VWA3B: variants seen among roughly 807,000 people sequenced by gnomAD.
VWA3B encodes von Willebrand factor A domain-containing protein 3B.
Under a neutral mutation model 158.3 loss-of-function variants are expected in VWA3B, and 138 were observed. The observed-to-expected ratio is 0.87, with a 90% confidence interval of 0.76 to 1.00. The LOEUF (loss-of-function observed/expected upper bound fraction) is 1.00, where lower values mean the gene tolerates loss of function less well. Among genes scored for constraint, VWA3B ranks in the 50% least tolerant of loss-of-function variants. The pLI, the probability that VWA3B is intolerant of heterozygous loss-of-function variation, is 0.00. For synonymous variants in VWA3B, 596 were observed against 587.3 expected, an observed-to-expected ratio of 1.01 and a Z score of -0.21; for missense variants, 1,555 against 1,565.1, an observed-to-expected ratio of 0.99 and a Z score of 0.11.
At chr2:98,216,895 A>G (rs1684051500) in intron 13 of VWA3B, 1 of 1,287,720 alleles carries the variant, frequency 7.8e-7, no homozygotes, top group Non-Finnish European at 1.0e-6. Context: ...TTCAAGCCCA[A>G]GTCTCTCGCT....
chr2:98,181,903 C>T (rs1429672380), intron 9 of VWA3B, among the ~76,000 whole-genome samples: 4 of 152,166 alleles, frequency 2.6e-5, no homozygotes, highest in Non-Finnish European at 5.9e-5. Context: ...GGTCCAGGGG[C>T]CACACCTTGA....
chr2:98,139,031 C>T (rs943385853), intron 7 of VWA3B, among the ~76,000 whole-genome samples: 9 of 152,196 alleles, frequency 5.9e-5, no homozygotes, highest in East Asian at 3.9e-4. Flanking sequence ...GCCGGGGCTG[C>T]GCGTGGAGCT....
At chr2:98,171,526 G>T (rs1310969219) in intron 8 of VWA3B, among the ~76,000 whole-genome samples, 1 of 152,172 alleles carries the variant, frequency 6.6e-6, no homozygotes, top group Non-Finnish European at 1.5e-5. Context: ...TGTGGCTGGA[G>T]TGCAGTGTCC....
intron 8 of VWA3B, among the ~76,000 whole-genome samples, chr2:98,168,376 T>C (rs7575624): frequency 0.15 from 21,129 of 145,382 alleles, 1,574 homozygotes; most frequent in Middle Eastern, 0.22. Flanking sequence ...TACACACACA[T>C]ACACACACAC....
chr2:98,145,845 A>G (rs1485147600), intron 7 of VWA3B, among the ~76,000 whole-genome samples: 1 of 151,930 alleles, frequency 6.6e-6, no homozygotes, highest in Non-Finnish European at 1.5e-5. Flanking sequence ...TCAGCCTTCT[A>G]AAGCCCTGGG....
rs147019567 is a variant in VWA3B at position 98,139,741 on chromosome 2, G to A, written c.988+5802G>A. Among the ~76,000 whole-genome samples, 153 of 152,162 alleles carry A rather than the reference G, an allele frequency of 1.0e-3. 3 individuals are homozygous for A. In the East Asian group the frequency reaches 0.029, roughly 29 times the overall value. On this transcript the variant is annotated intron_variant, in intron 7 of 27. Coordinates refer to ENST00000477737, the MANE Select transcript of VWA3B (RefSeq NM_144992.5). ...AGGGATTGTAAACGCACCAATCAGC[G>A]CCCTGTCAAAACAGACCACTCGGCT... is the stretch of plus-strand genomic sequence containing the variant.
the VWA3B span, among the ~76,000 whole-genome samples, chr2:98,329,787 G>C: frequency 1.3e-5 from 2 of 152,108 alleles, no homozygotes; most frequent in Non-Finnish European, 2.9e-5. Flanking sequence ...CAGTCGAAAG[G>C]CCTTAAGAAC....
intron 2 of VWA3B, among the ~76,000 whole-genome samples, chr2:98,108,132 G>A (rs1393907354): frequency 6.6e-6 from 1 of 151,924 alleles, no homozygotes; most frequent in African/African-American, 2.4e-5. Flanking sequence ...ACTTTTAGAT[G>A]CGTATTGTTT....
intron 24 of VWA3B, among the ~76,000 whole-genome samples, chr2:98,298,320 G>A (rs1240032309): frequency 6.6e-6 from 1 of 152,084 alleles, no homozygotes; most frequent in Non-Finnish European, 1.5e-5. Flanking sequence ...ATAGAGTTTG[G>A]GGGAAGGACA....
chr2:98,230,322 A>T (rs1425391860), intron 16 of VWA3B, 115 bp downstream of exon 16: 12 of 1,083,336 alleles, frequency 1.1e-5, no homozygotes, highest in Non-Finnish European at 1.1e-5. Context: ...TGGGTTTTTT[A>T]AATTAAAATT....
At chr2:98,173,422 C>T (rs1301078515) in intron 8 of VWA3B, among the ~76,000 whole-genome samples, 1 of 152,180 alleles carries the variant, frequency 6.6e-6, no homozygotes, top group African/African-American at 2.4e-5. Context: ...TGTGCTTACT[C>T]AAATATGTAT....
chr2:98,254,574 A>G (rs12712256), intron 20 of VWA3B, among the ~76,000 whole-genome samples: 123,732 of 152,210 alleles, frequency 0.81, 50,685 homozygotes, highest in South Asian at 0.9. Flanking sequence ...CACTGAGCTG[A>G]CTTATTTCCC....
intron 13 of VWA3B, among the ~76,000 whole-genome samples, chr2:98,213,693 G>A (rs1262438987): frequency 6.6e-6 from 1 of 152,176 alleles, no homozygotes; most frequent in Non-Finnish European, 1.5e-5. Context: ...AGGAAGCTGT[G>A]TTTGCGAACC....
intron 26 of VWA3B, among the ~76,000 whole-genome samples, chr2:98,311,383 G>A (rs62155348): frequency 0.039 from 5,943 of 152,240 alleles, 167 homozygotes; most frequent in Middle Eastern, 0.075. Flanking sequence ...AAATGTTTCC[G>A]ATAGTATACC....
intron 23 of VWA3B, among the ~76,000 whole-genome samples, chr2:98,296,037 A>G (rs1470249545): frequency 1.3e-5 from 2 of 152,278 alleles, no homozygotes; most frequent in African/African-American, 2.4e-5. Context: ...AGAAGTCATC[A>G]TAACAGTCCA....
chr2:98,269,444 A>G (rs1688065350), intron 21 of VWA3B: 1 of 152,222 alleles, frequency 6.6e-6, no homozygotes, highest in African/African-American at 2.4e-5. Context: ...AGAGGTCCCA[A>G]CCTGACCTGC....
chr2:98,121,527 G>A, intron 5 of VWA3B, 69 bp downstream of exon 5: 1 of 1,567,818 alleles, frequency 6.4e-7, no homozygotes. Flanking sequence ...CACACTCAGT[G>A]ACTTTACACG....
chr2:98,266,895 T>G (rs1687873608), intron 21 of VWA3B, among the ~76,000 whole-genome samples: 2 of 148,864 alleles, frequency 1.3e-5, no homozygotes, highest in African/African-American at 4.9e-5. Flanking sequence ...TACATTGATT[T>G]TGTATCCTGA....
rs1675257682 is a variant in VWA3B at position 98,125,134 on chromosome 2, A to G, written c.703-3105A>G. Among the ~76,000 whole-genome samples the G allele has an allele frequency of 6.6e-6, 1 of 152,262 alleles. No individual in the cohort carries two copies. Among genetic ancestry groups the G allele is most frequent in the Non-Finnish European group, 1.5e-5 (1 of 68,040 alleles). ...GACTTTGCCTTCAAGGAGCTCAAAG[A>G]CACTGGTTAAGGGAGCAGATTCCCA... On this transcript the variant is annotated intron_variant, in intron 5 of 27. Coordinates refer to ENST00000477737, the MANE Select transcript of VWA3B (RefSeq NM_144992.5). The surrounding 1 kb of genome is among the most constrained non-coding windows in gnomAD (Gnocchi z 4.1).
Sources: allele counts gnomAD v4.1 joint callset (sites outside exome capture counted in the v4.1 genomes callset), GRCh38; gene constraint gnomAD v4.1.1; non-coding constraint Gnocchi (gnomAD v3.1); transcripts MANE v1.5; gene names NCBI Gene and HGNC (gene_info 2026-07-23, HGNC 2026-07-21).